Variants in FAM200B observed in about 807,000 individuals in gnomAD.
FAM200B encodes protein FAM200B.
Under a neutral mutation model 33.1 loss-of-function variants are expected in FAM200B, and 32 were observed. That is an observed-to-expected ratio of 0.97 (90% CI 0.73 to 1.30). FAM200B has a LOEUF of 1.30. Ranked by LOEUF, FAM200B falls within the 50% of genes most tolerant of loss-of-function variation. The probability of loss-of-function intolerance (pLI) is 0.00; values close to 1 mark genes in which losing one functional copy is unlikely to be tolerated. For missense variants in FAM200B, 741 were observed against 754.0 expected (o/e 0.98, Z 0.20); for synonymous variants, 240 against 264.8 (o/e 0.91, Z 0.91).
At chr4:15,654,583 A>ACACATG in the FAM200B span, among the ~76,000 whole-genome samples, 1 of 152,244 alleles carries the variant, frequency 6.6e-6, no homozygotes, top group African/African-American at 2.4e-5. Context: ...AACGATAACG[A>ACACATG]CACATGAAGA....
the FAM200B span, among the ~76,000 whole-genome samples, chr4:15,646,745 T>C: frequency 7.5e-6 from 1 of 134,168 alleles, no homozygotes; most frequent in South Asian, 2.6e-4. Flanking sequence ...CCTTCCCACG[T>C]CCATGTTGTT....
chr4:15,653,621 TC>T, the FAM200B span, among the ~76,000 whole-genome samples: 2 of 151,012 alleles, frequency 1.3e-5, no homozygotes, highest in Non-Finnish European at 3.0e-5. Flanking sequence ...AGTCTTCACT[TC>T]CACTTTCGAT....
chr4:15,650,465 T>C, the FAM200B span, among the ~76,000 whole-genome samples: 2 of 152,140 alleles, frequency 1.3e-5, no homozygotes, highest in Non-Finnish European at 1.5e-5. Context: ...TATGACCTAC[T>C]ACTAATAGGT....
upstream of FAM200B, chr4:15,681,394 G>A (rs185066300): frequency 1.2e-3 from 215 of 173,132 alleles, 1 homozygote; most frequent in Non-Finnish European, 2.4e-3. Flanking sequence ...TGCTTCGCCT[G>A]GTTGTGGTGT....
chr4:15,679,583 A>C (rs915176382), upstream of FAM200B, among the ~76,000 whole-genome samples: 2 of 151,774 alleles, frequency 1.3e-5, no homozygotes, highest in Non-Finnish European at 2.9e-5. Context: ...AAAAACAAAA[A>C]AACAAAAAAC....
At chr4:15,639,482 T>C in the FAM200B span, among the ~76,000 whole-genome samples, 1 of 152,240 alleles carries the variant, frequency 6.6e-6, no homozygotes, top group East Asian at 1.9e-4. Flanking sequence ...CAAATCATTA[T>C]TTTAGAACAG....
chr4:15,640,715 G>A, the FAM200B span: 1 of 756,776 alleles, frequency 1.3e-6, no homozygotes, highest in South Asian at 2.0e-5. Flanking sequence ...GCATTATTTT[G>A]AAGAGTCTCT....
the FAM200B span, among the ~76,000 whole-genome samples, chr4:15,646,461 GAA>G: frequency 7.5e-6 from 1 of 132,976 alleles, no homozygotes. Context: ...TCATTTTTTG[GAA>G]AAAAAAAAAA....
the FAM200B span, among the ~76,000 whole-genome samples, chr4:15,668,932 C>T: frequency 6.6e-6 from 1 of 152,146 alleles, no homozygotes; most frequent in African/African-American, 2.4e-5. Flanking sequence ...TTACTTTTTA[C>T]CACTGCAGAA....
At chr4:15,673,862 G>A in the FAM200B span, among the ~76,000 whole-genome samples, 1 of 152,138 alleles carries the variant, frequency 6.6e-6, no homozygotes, top group Non-Finnish European at 1.5e-5. Context: ...CTGTACTATG[G>A]CTTAGAAATT....
the FAM200B span, among the ~76,000 whole-genome samples, chr4:15,652,637 G>C: frequency 1.3e-5 from 2 of 152,194 alleles, no homozygotes; most frequent in East Asian, 3.9e-4. Flanking sequence ...AAAATAAGTA[G>C]ACTAACATAA....
the FAM200B span, among the ~76,000 whole-genome samples, chr4:15,667,972 T>A: frequency 3.3e-5 from 5 of 149,526 alleles, no homozygotes; most frequent in Non-Finnish European, 7.4e-5. Flanking sequence ...ACTCGGGAGG[T>A]GGAGGTTGCG....
chr4:15,687,231 A>G lies in FAM200B; in HGVS notation c.254A>G (p.Gln85Arg), dbSNP rs1718935811. ...AAACCCTTTGAAAATGACAGACCTC[A>G]GTGTGTTATTTGTAATAATATTCTT... ...CEKPFENDRP[Q>R]CVICNNILAN... The change falls in exon 2 of 2, where the codon CAG becomes CGG. Residue 85 changes from glutamine (Q) to arginine (R), a missense_variant. Transcript: ENST00000422728. 6.5e-7 allele frequency: 1 copy of G among 1,542,692 alleles called. No homozygotes were observed. Among genetic ancestry groups the G allele is most frequent in the South Asian group, 1.2e-5 (1 of 81,624 alleles).
Position 15,687,274 on chromosome 4 carries a change from A to G in FAM200B, c.297A>G (p.Lys99=). The change falls in exon 2 of 2, where the codon AAA becomes AAG. Residue 99 remains lysine, a synonymous_variant. Transcript: ENST00000422728. ...CNNILANESL[K]PSKLKRHLET... ...ATATTCTTGCGAATGAAAGCTTAAA[A>G]CCTTCGAAATTAAAAAGGCACTTAG... 6.5e-7 allele frequency: 1 copy of G among 1,548,184 alleles called. No homozygotes were observed. Among genetic ancestry groups the G allele is most frequent in the Non-Finnish European group, 8.7e-7 (1 of 1,145,622 alleles).
At chr4:15,649,506 G>A in the FAM200B span, among the ~76,000 whole-genome samples, 2 of 150,390 alleles carry the variant, frequency 1.3e-5, no homozygotes, top group Non-Finnish European at 3.0e-5. Context: ...CTTGAACCCG[G>A]GAGGCAGAGG....
At chr4:15,665,564 CAA>C in the FAM200B span, among the ~76,000 whole-genome samples, 1 of 151,956 alleles carries the variant, frequency 6.6e-6, no homozygotes, top group Non-Finnish European at 1.5e-5. Flanking sequence ...AAATATAACC[CAA>C]GTTTATATTT....
At chr4:15,640,892 C>CA in the FAM200B span, 4,613 of 1,199,800 alleles carry the variant, frequency 3.8e-3, no homozygotes, top group South Asian at 4.7e-3. Context: ...TTCTGGAAAC[C>CA]AAAAAAAAAA....
At chr4:15,671,525 C>T in the FAM200B span, among the ~76,000 whole-genome samples, 9 of 152,306 alleles carry the variant, frequency 5.9e-5, no homozygotes, top group Admixed American at 5.2e-4. Flanking sequence ...CCTCCTGCCT[C>T]AGCCTCTCAA....
the FAM200B span, among the ~76,000 whole-genome samples, chr4:15,663,315 T>C: frequency 6.6e-5 from 10 of 152,214 alleles, no homozygotes; most frequent in African/African-American, 2.4e-4. Flanking sequence ...TAGGTATCTT[T>C]ATTATTAGAC....
Sources: allele counts gnomAD v4.1 joint callset (sites outside exome capture counted in the v4.1 genomes callset), GRCh38; gene constraint gnomAD v4.1.1; transcripts MANE v1.5; gene names NCBI Gene and HGNC (gene_info 2026-07-23, HGNC 2026-07-21).